The following DNAJA3 variants were observed in gnomAD, a reference collection of about 807,000 sequenced individuals.
The protein encoded by DNAJA3 is DnaJ heat shock protein family (Hsp40) member A3.
DNAJA3 carries 29 observed loss-of-function variants against 54.9 expected under a neutral mutation model. The ratio of observed to expected loss-of-function variants is 0.53; its 90% CI spans 0.39 to 0.72. The LOEUF is 0.72. Among genes scored for constraint, DNAJA3 ranks in the 30% least tolerant of loss-of-function variants. The probability of loss-of-function intolerance (pLI) is 0.00; values close to 1 mark genes in which losing one functional copy is unlikely to be tolerated. For missense variants in DNAJA3, 708 were observed against 639.4 expected (o/e 1.11, Z -1.16); for synonymous variants, 302 against 251.4 (o/e 1.20, Z -1.90).
Position 4,428,685 on chromosome 16 carries a change from A to G in DNAJA3, c.211+2593A>G, listed in dbSNP as rs368519200. The stretch of plus-strand genomic sequence containing the variant: ...ACCTGCCATGGGCAAGTTTTATATC[A>G]GGTAGTGTACACAGGTGAGAGGTGG... On this transcript the variant is annotated intron_variant, in intron 1 of 11. Transcript: ENST00000262375. Among the ~76,000 whole-genome samples the G allele has an allele frequency of 9.2e-5, 14 of 152,120 alleles. No individual in the cohort carries two copies. In the East Asian group the frequency reaches 1.9e-3, roughly 21 times the overall value.
In DNAJA3 at chr16:4,430,156, A is replaced by T. The variant is rs567955030; in HGVS notation, c.211+4064A>T. Among the ~76,000 whole-genome samples the T allele has an allele frequency of 7.0e-4, 106 of 150,936 alleles. 2 individuals are homozygous for T. In the South Asian group the frequency reaches 0.015, roughly 22 times the overall value. The stretch of plus-strand genomic sequence containing the variant: ...AGACCCCTGTCTCTTAAAAAAAAAA[A>T]TTTTGAAAAGGTCATTAACTCAGCG... On this transcript the variant is annotated intron_variant, in intron 1 of 11. Coordinates refer to ENST00000262375, the MANE Select transcript of DNAJA3 (RefSeq NM_005147.6).
At chr16:4,441,605 A>G (rs1294675204) in intron 4 of DNAJA3, 30 bp downstream of exon 4, 1 of 1,608,866 alleles carries the variant, frequency 6.2e-7, no homozygotes, top group Non-Finnish European at 8.5e-7. Context: ...GAATTATTCA[A>G]ATTTTAGACT....
At chr16:4,426,152 C>A (rs1184688836) in intron 1 of DNAJA3, 60 bp downstream of exon 1, 2 of 1,442,922 alleles carry the variant, frequency 1.4e-6, no homozygotes, top group Non-Finnish European at 1.8e-6. Context: ...AGTGAGTCTC[C>A]TCGCTGTGAC....
intron 9 of DNAJA3, among the ~76,000 whole-genome samples, chr16:4,449,144 C>A (rs924746635): frequency 2.3e-4 from 34 of 147,940 alleles, no homozygotes; most frequent in African/African-American, 8.2e-4. Flanking sequence ...TTACAGGTGC[C>A]TGCCACCATG....
At chr16:4,455,034 C>CA (rs754880240) in intron 11 of DNAJA3, 107 bp downstream of exon 11, 4 of 760,900 alleles carry the variant, frequency 5.3e-6, no homozygotes, top group Non-Finnish European at 8.8e-6. Flanking sequence ...GGAGTTGGAA[C>CA]AGGTGCCAGT....
intron 6 of DNAJA3, 97 bp from the exon 7 acceptor site, chr16:4,444,567 G>A (rs1301647195): frequency 1.4e-5 from 14 of 1,018,390 alleles, no homozygotes; most frequent in Admixed American, 9.5e-5. Context: ...ATCTCTTGAC[G>A]TCATGATCTG....
At chr16:4,442,781 A>G in intron 5 of DNAJA3, 1 of 580,456 alleles carries the variant, frequency 1.7e-6, no homozygotes, top group Non-Finnish European at 3.0e-6. Context: ...GCGGTATCAT[A>G]TTTTTCAGTG....
At chr16:4,451,330 T>C (rs2056975004) in intron 10 of DNAJA3, among the ~76,000 whole-genome samples, 1 of 152,104 alleles carries the variant, frequency 6.6e-6, no homozygotes, top group South Asian at 2.1e-4. Flanking sequence ...AGCAGGTGTT[T>C]GGAGCTGGGG....
chr16:4,442,745 G>C, intron 5 of DNAJA3: 1 of 559,110 alleles, frequency 1.8e-6, no homozygotes, highest in East Asian at 2.9e-5. Context: ...CAGCTCCCAG[G>C]AGTCTTCAGG....
chr16:4,438,054 T>C (rs995254954), intron 3 of DNAJA3, among the ~76,000 whole-genome samples: 1 of 152,062 alleles, frequency 6.6e-6, no homozygotes, highest in African/African-American at 2.4e-5. Context: ...TGGTGGCTCA[T>C]GCCTGTAATC....
At chr16:4,432,836 C>CA (rs1438371416) in intron 1 of DNAJA3, among the ~76,000 whole-genome samples, 1 of 150,804 alleles carries the variant, frequency 6.6e-6, no homozygotes, top group Non-Finnish European at 1.5e-5. Context: ...AACTCCGTCT[C>CA]AAAAAACAAA....
chr16:4,448,448 A>G (rs542676990), intron 8 of DNAJA3, among the ~76,000 whole-genome samples: 60 of 151,942 alleles, frequency 3.9e-4, no homozygotes, highest in Middle Eastern at 3.4e-3. Flanking sequence ...GGTTCAAGCA[A>G]TTCTCCTACC....
intron 5 of DNAJA3, chr16:4,442,740 C>A (rs2056852034): frequency 3.6e-6 from 2 of 560,422 alleles, no homozygotes; most frequent in African/African-American, 1.9e-5. Flanking sequence ...CTGTTCAGCT[C>A]CCAGGAGTCT....
intron 11 of DNAJA3, 184 bp from the exon 12 acceptor site, chr16:4,455,362 G>A: frequency 1.5e-6 from 1 of 661,294 alleles, no homozygotes; most frequent in South Asian, 1.8e-5. Context: ...GGCTGCTCCA[G>A]GGGTAGCGCT....
rs60162830 is a variant in DNAJA3 at position 4,426,210 on chromosome 16, C to T, written c.211+118C>T. On this transcript the variant is annotated intron_variant, in intron 1 of 11. Coordinates refer to ENST00000262375, the MANE Select transcript of DNAJA3 (RefSeq NM_005147.6). ...TGGAGGGTGTCTTCCGACGCGGATG[C>T]ACAATTGCCGGAGACACAGACAGGC... 5.1e-3 allele frequency: 5,857 copies of T among 1,140,230 alleles called. 251 individuals carry two copies. The African/African-American group carries it at 0.086, about 17-fold the overall frequency. 70.6% of individuals were successfully genotyped at this position (1,140,230 alleles called of 1,614,324 possible). A position where few individuals can be genotyped will look rare whatever the true frequency, so the allele number is the denominator to read the frequency against.
intron 10 of DNAJA3, among the ~76,000 whole-genome samples, chr16:4,451,448 G>C (rs2056976461): frequency 6.6e-6 from 1 of 151,846 alleles, no homozygotes; most frequent in African/African-American, 2.4e-5. Context: ...CAGGGGACTG[G>C]AATTCCTCTG....
chr16:4,442,922 C>A, intron 5 of DNAJA3, 95 bp from the exon 6 acceptor site: 1 of 1,446,636 alleles, frequency 6.9e-7, no homozygotes, highest in Non-Finnish European at 9.5e-7. Flanking sequence ...AAAAACAAGC[C>A]TTAAAGAGAC....
intron 1 of DNAJA3, among the ~76,000 whole-genome samples, chr16:4,426,436 G>A (rs1275037333): frequency 1.3e-5 from 2 of 152,178 alleles, no homozygotes; most frequent in African/African-American, 4.8e-5. Flanking sequence ...AGAGCTAACT[G>A]CCATTCGGAG....
Position 4,455,922 on chromosome 16 carries a change from A to G in DNAJA3, c.*390A>G. On this transcript the variant is annotated 3_prime_UTR_variant, in exon 12 of 12. Transcript: ENST00000262375. Reference sequence around the variant, plus strand: ...AGAAATGAAGCCTTAAGCTGCATCAAGTTACGAAGTGATTAATTTCCTTCT... The same window carrying G: ...AGAAATGAAGCCTTAAGCTGCATCAGGTTACGAAGTGATTAATTTCCTTCT... 1 of 353,828 alleles carries G rather than the reference A, an allele frequency of 2.8e-6. No individual in the cohort carries two copies. Among genetic ancestry groups the G allele is most frequent in the South Asian group, 6.7e-5 (1 of 14,950 alleles). The allele number at this position is 353,828 out of a possible 1,614,324, so 21.9% of individuals were successfully genotyped here. A position where few individuals can be genotyped will look rare whatever the true frequency, so the allele number is the denominator to read the frequency against.
Sources: gnomAD v4.1 joint callset for allele counts (sites outside exome capture counted in the v4.1 genomes callset) on GRCh38, gnomAD v4.1.1 for gene constraint, MANE v1.5 for transcripts, NCBI Gene and HGNC (gene_info 2026-07-23, HGNC 2026-07-21) for gene names.